Variants in TXNRD3 observed in about 807,000 individuals in gnomAD.
TXNRD3 encodes TXNRD3 neighbor gene protein.
A neutral mutation model predicts 78.2 loss-of-function variants in TXNRD3; 68 were observed. That is an observed-to-expected ratio of 0.87 (90% CI 0.72 to 1.06). The LOEUF is 1.06. Among genes scored for constraint, TXNRD3 ranks in the 50% least tolerant of loss-of-function variants. The pLI is 0.00. For missense variants in TXNRD3, 751 were observed against 809.5 expected (o/e 0.93, Z 0.88); for synonymous variants, 296 against 300.1 (o/e 0.99, Z 0.14).
chr3:126,625,806 C>T (rs575360818), intron 10 of TXNRD3: 25 of 152,328 alleles, frequency 1.6e-4, no homozygotes, highest in Admixed American at 5.9e-4. Flanking sequence ...CACATCCTCT[C>T]TAGCACCTGT....
intron 1 of TXNRD3, among the ~76,000 whole-genome samples, 155 bp downstream of exon 1, chr3:126,654,593 C>A (rs1336027867): frequency 6.6e-6 from 1 of 152,110 alleles, no homozygotes; most frequent in East Asian, 1.9e-4. Context: ...AAGCCCACCT[C>A]AGGGGACGAC....
chr3:126,621,147 A>G (rs1008235897), intron 12 of TXNRD3, among the ~76,000 whole-genome samples: 16 of 152,224 alleles, frequency 1.1e-4, no homozygotes, highest in African/African-American at 3.4e-4. Flanking sequence ...TATAAAGCTC[A>G]TCCCAAATTA....
chr3:126,640,999 C>A (rs1933064631), intron 6 of TXNRD3, among the ~76,000 whole-genome samples: 1 of 152,156 alleles, frequency 6.6e-6, no homozygotes, highest in Admixed American at 6.5e-5. Context: ...AAGGCCATCA[C>A]AACCTAACAT....
At chr3:126,636,714 G>C (rs957819778) in intron 6 of TXNRD3, among the ~76,000 whole-genome samples, 1 of 152,000 alleles carries the variant, frequency 6.6e-6, no homozygotes, top group Non-Finnish European at 1.5e-5. Flanking sequence ...ACCTCTATGG[G>C]GTATAGTTTT....
chr3:126,654,820 GC>G lies in TXNRD3; in HGVS notation c.170del (p.Arg57ProfsTer13). 7.1e-7 allele frequency: 1 copy of G among 1,415,512 alleles called. No individual in the cohort carries two copies. The highest frequency in any genetic ancestry group is 1.4e-5 in the South Asian group (1 of 69,278). The allele number at this position is 1,415,512 out of a possible 1,614,324, so 87.7% of individuals were successfully genotyped here. A position where few individuals can be genotyped will look rare whatever the true frequency, so the allele number is the denominator to read the frequency against. On this transcript the variant is annotated frameshift_variant, in exon 1 of 16. Coordinates refer to ENST00000524230, the MANE Select transcript of TXNRD3 (RefSeq NM_052883.3). LOFTEE classifies it high-confidence loss of function. ...TGCGCTCGATGAGGCCCACGAGGTG[GC>G]GGCGCAGCTCCTCGCGGGCCTCGGA...
chr3:126,635,643 A>G (rs964895211), intron 6 of TXNRD3, among the ~76,000 whole-genome samples: 1 of 152,222 alleles, frequency 6.6e-6, no homozygotes, highest in Non-Finnish European at 1.5e-5. Context: ...TACTGGACTT[A>G]TATAAAATTT....
chr3:126,623,965 T>C (rs1938515606), intron 10 of TXNRD3, among the ~76,000 whole-genome samples: 1 of 151,312 alleles, frequency 6.6e-6, no homozygotes, highest in African/African-American at 2.4e-5. Context: ...TAAAAAAAAC[T>C]GTATTTTTAT....
At chr3:126,629,061 A>G (rs1938646968) in intron 10 of TXNRD3, among the ~76,000 whole-genome samples, 1 of 152,118 alleles carries the variant, frequency 6.6e-6, no homozygotes, top group Non-Finnish European at 1.5e-5. Flanking sequence ...ATTATAAAAT[A>G]TATTCAATAT....
At chr3:126,610,490 G>GATT (rs1938175079) in intron 14 of TXNRD3, among the ~76,000 whole-genome samples, 2 of 152,152 alleles carry the variant, frequency 1.3e-5, no homozygotes, top group Admixed American at 1.3e-4. Flanking sequence ...CTCCAATAAT[G>GATT]GGCTGCTGCT....
intron 12 of TXNRD3, among the ~76,000 whole-genome samples, chr3:126,617,630 C>T (rs1344927637): frequency 6.6e-6 from 1 of 152,174 alleles, no homozygotes; most frequent in Non-Finnish European, 1.5e-5. Flanking sequence ...GAAAAGTAAC[C>T]TGGATTCATA....
intron 10 of TXNRD3, among the ~76,000 whole-genome samples, chr3:126,626,776 G>C (rs2107616964): frequency 6.6e-6 from 1 of 152,270 alleles, no homozygotes; most frequent in South Asian, 2.1e-4. Flanking sequence ...TTCACTCCTA[G>C]GTATTTGTCA....
Position 126,647,226 on chromosome 3 carries a change from G to A in TXNRD3, c.304+10C>T. 4 of 1,530,714 alleles carry A rather than the reference G, an allele frequency of 2.6e-6. No homozygotes were observed. The highest frequency in any genetic ancestry group is 3.5e-6 in the Non-Finnish European group (4 of 1,142,890). 94.8% of individuals were successfully genotyped at this position (1,530,714 alleles called of 1,614,324 possible). On this transcript the variant is annotated intron_variant, in intron 2 of 15. Coordinates refer to ENST00000524230, the MANE Select transcript of TXNRD3 (RefSeq NM_052883.3). ...TATAAACAACACTATGTTGTAACTGGTCTACTTACCAACTTGATCAAGTTC... is the reference window on the plus strand; with the variant it reads ...TATAAACAACACTATGTTGTAACTGATCTACTTACCAACTTGATCAAGTTC...
At position 126,608,461 on chromosome 3, in the gene TXNRD3, T is replaced by A. The variant is rs1242782369; in HGVS notation, c.1863+38A>T. 5 of 1,504,242 alleles carry A rather than the reference T, an allele frequency of 3.3e-6. No individual in the cohort carries two copies. The African/African-American group carries it at 7.0e-5, about 21-fold the overall frequency. 93.2% of individuals were successfully genotyped at this position (1,504,242 alleles called of 1,614,324 possible). A position where few individuals can be genotyped will look rare whatever the true frequency, so the allele number is the denominator to read the frequency against. On this transcript the variant is annotated intron_variant, in intron 15 of 15. Coordinates refer to ENST00000524230, the MANE Select transcript of TXNRD3 (RefSeq NM_052883.3). ...CTTTATAATAGTTTTTCAAACTACATCAACTGAAGCCAATTTTTAAAACCT... is the reference window on the plus strand; with the variant it reads ...CTTTATAATAGTTTTTCAAACTACAACAACTGAAGCCAATTTTTAAAACCT...
chr3:126,609,176 G>T (rs1414587487), intron 14 of TXNRD3: 1 of 442,458 alleles, frequency 2.3e-6, no homozygotes. Context: ...CGTTTTCCAC[G>T]GTAACGGTGC....
chr3:126,654,760 G>A lies in TXNRD3; in HGVS notation c.231C>T (p.Pro77=). 7.1e-7 allele frequency: 1 copy of A among 1,406,850 alleles called. No homozygotes were observed. The highest frequency in any genetic ancestry group is 2.8e-5 in the Admixed American group (1 of 36,244). 87.1% of individuals were successfully genotyped at this position (1,406,850 alleles called of 1,614,324 possible). ...GGGCCGCGCCTACCCGAGTACTATG[G>A]GGACAGTAGCTCTTGCTGAAGATCA... Residue 77 remains proline, a synonymous_variant, in exon 1 of 16, where the codon CCC becomes CCT. Coordinates refer to ENST00000524230, the MANE Select transcript of TXNRD3 (RefSeq NM_052883.3).
In TXNRD3 at chr3:126,646,132, ACCTACATG is replaced by A. The variant is rs1311682028; in HGVS notation, c.385_392del (p.His129TrpfsTer3). The A allele has an allele frequency of 6.5e-7, 1 of 1,530,668 alleles. No homozygotes were observed. Among genetic ancestry groups the A allele is most frequent in the Non-Finnish European group, 8.7e-7 (1 of 1,144,860 alleles). 94.8% of individuals were successfully genotyped at this position (1,530,668 alleles called of 1,614,324 possible). A position where few individuals can be genotyped will look rare whatever the true frequency, so the allele number is the denominator to read the frequency against. On this transcript the variant is annotated frameshift_variant, in exon 3 of 16. Coordinates refer to ENST00000524230, the MANE Select transcript of TXNRD3 (RefSeq NM_052883.3). LOFTEE classifies it high-confidence loss of function. ...TTACCTGGAAAGTTTGGTCACATCC[ACCTACATG>A]CACTTTATTCACGAAAATATTGGGC...
intron 1 of TXNRD3, among the ~76,000 whole-genome samples, chr3:126,654,521 A>T (rs1174060781): frequency 1.3e-5 from 2 of 152,206 alleles, no homozygotes; most frequent in African/African-American, 4.8e-5. Flanking sequence ...GGCTCTGCAC[A>T]GGGTCCTAAC....
rs571705749 is a variant in TXNRD3 at position 126,644,062 on chromosome 3, G to A, written c.520-9C>T. ...CCCAAAATGGCAGCTTCCTACAAACGAACAACAACAAAAATTACGTATAAA... is the reference window on the plus strand; with the variant it reads ...CCCAAAATGGCAGCTTCCTACAAACAAACAACAACAAAAATTACGTATAAA... On this transcript the variant is annotated splice_polypyrimidine_tract_variant and intron_variant, in intron 4 of 15. Transcript: ENST00000524230. The A allele has an allele frequency of 3.9e-6, 6 of 1,535,190 alleles. No individual in the cohort carries two copies. The highest frequency in any genetic ancestry group is 1.4e-5 in the African/African-American group (1 of 73,052).
intron 5 of TXNRD3, among the ~76,000 whole-genome samples, chr3:126,642,589 G>A (rs774011663): frequency 7.2e-5 from 11 of 152,194 alleles, no homozygotes; most frequent in African/African-American, 1.7e-4. Flanking sequence ...TACGCAAAAC[G>A]GAGTGCCCCT....
Sources: allele counts gnomAD v4.1 joint callset (sites outside exome capture counted in the v4.1 genomes callset), GRCh38; gene constraint gnomAD v4.1.1; transcripts MANE v1.5; gene names NCBI Gene and HGNC (gene_info 2026-07-23, HGNC 2026-07-21).